Variants in THSD7B observed in about 807,000 individuals in gnomAD.
The protein encoded by THSD7B is thrombospondin type-1 domain-containing protein 7B.
Under a neutral mutation model 213.6 loss-of-function variants are expected in THSD7B, and 138 were observed. The ratio of observed to expected loss-of-function variants is 0.65; its 90% confidence interval spans 0.56 to 0.74. THSD7B has a LOEUF of 0.74. THSD7B is among the 30% of genes least tolerant of loss of function. The probability of loss-of-function intolerance (pLI) is 0.00; values close to 1 mark genes in which losing one functional copy is unlikely to be tolerated. For missense variants in THSD7B, 1,931 were observed against 1,991.5 expected, an observed-to-expected ratio of 0.97 and a Z score of 0.58; for synonymous variants, 742 against 687.0, an observed-to-expected ratio of 1.08 and a Z score of -1.25.
intron 17 of THSD7B, among the ~76,000 whole-genome samples, chr2:137,599,917 G>C (rs906897857): frequency 6.6e-6 from 1 of 152,046 alleles, no homozygotes; most frequent in African/African-American, 2.4e-5. Context: ...GCTCTACCAA[G>C]GCCTCCTCCT....
intron 17 of THSD7B, among the ~76,000 whole-genome samples, chr2:137,588,304 T>A (rs1681786243): frequency 1.3e-5 from 2 of 152,182 alleles, no homozygotes; most frequent in African/African-American, 4.8e-5. Flanking sequence ...TGCCTTACCC[T>A]GCTTTGGCTC....
At chr2:137,045,671 GATA>G (rs1686956805) in intron 2 of THSD7B, among the ~76,000 whole-genome samples, 2 of 152,152 alleles carry the variant, frequency 1.3e-5, no homozygotes, top group Non-Finnish European at 2.9e-5. Flanking sequence ...CAAGGAAAAA[GATA>G]ATATTTTACT....
intron 15 of THSD7B, among the ~76,000 whole-genome samples, chr2:137,511,917 T>G (rs984204604): frequency 2.0e-5 from 3 of 152,192 alleles, no homozygotes; most frequent in Non-Finnish European, 4.4e-5. Flanking sequence ...GAACTGAGTC[T>G]GCAAACACCA....
At chr2:137,380,264 A>AG (rs1447235077) in intron 12 of THSD7B, among the ~76,000 whole-genome samples, 2 of 151,660 alleles carry the variant, frequency 1.3e-5, no homozygotes, top group Admixed American at 6.6e-5. Context: ...ATAGAAAAAA[A>AG]AAAAAATAGC....
chr2:137,567,444 A>T (rs1681262336), intron 16 of THSD7B, among the ~76,000 whole-genome samples: 2 of 152,122 alleles, frequency 1.3e-5, no homozygotes, highest in Admixed American at 6.6e-5. Flanking sequence ...ACATTTGAAA[A>T]GAGCCTTATT....
chr2:137,144,169 A>T (rs892873), intron 5 of THSD7B, among the ~76,000 whole-genome samples: 29,151 of 151,960 alleles, frequency 0.19, 3,479 homozygotes, highest in South Asian at 0.42. Context: ...TAGAGGGAAC[A>T]GCTTGGAAAG....
chr2:137,012,311 GTCT>G (rs1686246649), intron 2 of THSD7B, among the ~76,000 whole-genome samples: 1 of 152,120 alleles, frequency 6.6e-6, no homozygotes, highest in Non-Finnish European at 1.5e-5. Context: ...TAAAAATATG[GTCT>G]TCTATTTCAT....
rs35864577 is a variant in THSD7B, at chr2:137,206,046, C to CTT, written c.1724-24987_1724-24986dup. ...GTTTATATTTCCAACAGTGATTATC[C>CTT]TTTTTTTTTTTTATCTAAATGTCTT... On this transcript the variant is annotated intron_variant, in intron 7 of 27. Coordinates refer to ENST00000409968, the MANE Select transcript of THSD7B (RefSeq NM_001316349.2). Among the ~76,000 whole-genome samples, 174 of 148,144 alleles carry CTT rather than the reference C, an allele frequency of 1.2e-3. 1 individual carries two copies. Among genetic ancestry groups the CTT allele is most frequent in the East Asian group, 7.7e-3 (39 of 5,070 alleles).
At chr2:137,144,223 A>G (rs981327733) in intron 5 of THSD7B, among the ~76,000 whole-genome samples, 2 of 152,066 alleles carry the variant, frequency 1.3e-5, no homozygotes, top group Non-Finnish European at 2.9e-5. Context: ...CCCCTTGGTA[A>G]GGTGAACTTT....
chr2:137,155,137 G>A (rs1407875891), intron 5 of THSD7B, among the ~76,000 whole-genome samples: 10 of 152,152 alleles, frequency 6.6e-5, no homozygotes, highest in African/African-American at 1.7e-4. Flanking sequence ...GAAAGATGCC[G>A]CTAGGCAGTG....
At chr2:136,912,040 G>C (rs994659653) in intron 2 of THSD7B, among the ~76,000 whole-genome samples, 2 of 152,058 alleles carry the variant, frequency 1.3e-5, no homozygotes, top group African/African-American at 4.8e-5. Context: ...GGAGGGGCCA[G>C]GTGCAGTGGC....
chr2:137,420,573 A>G (rs1366564687), intron 14 of THSD7B, among the ~76,000 whole-genome samples: 21 of 152,166 alleles, frequency 1.4e-4, no homozygotes. Context: ...ATGCTGCCAC[A>G]GAGGGCTGTG....
Position 136,782,909 on chromosome 2 carries a change from G to GA in THSD7B, c.-36+17228dup, listed in dbSNP as rs147190083. 2.0e-3 allele frequency among the ~76,000 whole-genome samples: 302 copies of GA among 152,018 alleles called. 6 individuals are homozygous for GA. The East Asian group carries it at 0.037, about 19-fold the overall frequency. On this transcript the variant is annotated intron_variant, in intron 1 of 27. Transcript: ENST00000409968. ...AATATTATCTGTTAATTAAAAAAAA[G>GA]AAAAAACAAAATAGAGGAATGACAA...
chr2:136,810,837 A>G lies in THSD7B; in HGVS notation c.-36+45150A>G, dbSNP rs562788975. Among the ~76,000 whole-genome samples, 7 of 152,276 alleles carry G rather than the reference A, an allele frequency of 4.6e-5. No individual in the cohort carries two copies. In the South Asian group the frequency reaches 1.5e-3, roughly 32 times the overall value. ...AGGTAAAGAAATAAAATGTGATGAC[A>G]TTGTTGTAACCCTTGGGCCAGTGGT... On this transcript the variant is annotated intron_variant, in intron 1 of 27. Transcript: ENST00000409968.
At chr2:137,209,627 T>C (rs891362876) in intron 7 of THSD7B, among the ~76,000 whole-genome samples, 3 of 152,124 alleles carry the variant, frequency 2.0e-5, no homozygotes, top group Admixed American at 1.3e-4. Flanking sequence ...TGGCAAGTGA[T>C]TAAATCATTC....
chr2:137,531,628 A>C (rs534902494), intron 15 of THSD7B, among the ~76,000 whole-genome samples: 4 of 152,112 alleles, frequency 2.6e-5, no homozygotes, highest in Admixed American at 2.0e-4. Flanking sequence ...CCTTAGGAGG[A>C]TGCAACTGAC....
chr2:136,831,302 A>G (rs1375167631), intron 1 of THSD7B, among the ~76,000 whole-genome samples: 1 of 152,194 alleles, frequency 6.6e-6, no homozygotes, highest in African/African-American at 2.4e-5. Flanking sequence ...TATTTGTATA[A>G]TATTCTCCTT....
intron 12 of THSD7B, among the ~76,000 whole-genome samples, chr2:137,400,927 C>G (rs1000428053): frequency 3.3e-5 from 5 of 152,274 alleles, no homozygotes; most frequent in East Asian, 1.9e-4. Flanking sequence ...GGGCATTTGC[C>G]AGCCCTGATG....
intron 2 of THSD7B, among the ~76,000 whole-genome samples, chr2:137,018,622 A>G (rs529832209): frequency 6.6e-6 from 1 of 152,324 alleles, no homozygotes; most frequent in African/African-American, 2.4e-5. Flanking sequence ...TTCAATTTGT[A>G]CAGTACAAGA....
Sources: allele counts gnomAD v4.1 joint callset (sites outside exome capture counted in the v4.1 genomes callset), GRCh38; gene constraint gnomAD v4.1.1; transcripts MANE v1.5; gene names NCBI Gene and HGNC (gene_info 2026-07-23, HGNC 2026-07-21).